MAPK10: variants seen among roughly 807,000 people sequenced by gnomAD.
MAPK10 encodes the protein mitogen-activated protein kinase 10, also known as JNK3 alpha protein kinase.
Under a neutral mutation model 59.3 loss-of-function variants are expected in MAPK10, and 25 were observed. The ratio of observed to expected loss-of-function variants is 0.42; its 90% CI spans 0.31 to 0.59. The LOEUF (loss-of-function observed/expected upper bound fraction) is 0.59, where lower values mean the gene tolerates loss of function less well. MAPK10 is among the 20% of genes least tolerant of loss of function. MAPK10 has a pLI of 0.15. For missense variants in MAPK10, 351 were observed against 568.9 expected (o/e 0.62, Z 3.90); for synonymous variants, 190 against 200.5 (o/e 0.95, Z 0.44).
chr4:86,483,891 G>T (rs957223809), intron 1 of MAPK10, among the ~76,000 whole-genome samples: 4 of 152,248 alleles, frequency 2.6e-5, no homozygotes, highest in African/African-American at 9.6e-5. Context: ...AGAGGGGGAG[G>T]GGAAGATCCA....
At chr4:86,480,552 C>G (rs1355105125) in intron 1 of MAPK10, among the ~76,000 whole-genome samples, 1 of 152,054 alleles carries the variant, frequency 6.6e-6, no homozygotes, top group African/African-American at 2.4e-5. Context: ...CTTCAGGAAT[C>G]TTTGTAAATA....
chr4:86,564,619 A>G (rs1479768472), intron 1 of MAPK10, among the ~76,000 whole-genome samples: 1 of 151,984 alleles, frequency 6.6e-6, no homozygotes, highest in Admixed American at 6.6e-5. Flanking sequence ...TGCACTCTCC[A>G]CTCTGCAATG....
intron 9 of MAPK10, among the ~76,000 whole-genome samples, chr4:86,074,907 G>C (rs995301361): frequency 7.5e-6 from 1 of 132,888 alleles, no homozygotes; most frequent in East Asian, 2.1e-4. Flanking sequence ...TCTTTGTGGC[G>C]TTCTCTGTAT....
intron 2 of MAPK10, among the ~76,000 whole-genome samples, chr4:86,260,754 CAGTT>C (rs1031685974): frequency 3.3e-5 from 5 of 152,084 alleles, no homozygotes; most frequent in African/African-American, 7.2e-5. Flanking sequence ...TGAACAAAGA[CAGTT>C]AGTCCTATAA....
intron 2 of MAPK10, among the ~76,000 whole-genome samples, chr4:86,207,130 G>A (rs1582807203): frequency 6.6e-6 from 1 of 151,278 alleles, no homozygotes. Context: ...CCATGCCTAT[G>A]TCCTGAATGG....
rs906034392 is a variant in MAPK10 at position 86,088,824 on chromosome 4, A to G, written c.802+9700T>C. Among the ~76,000 whole-genome samples the G allele has an allele frequency of 5.3e-5, 8 of 152,320 alleles. 1 individual carries two copies. The highest frequency in any genetic ancestry group is 1.9e-4 in the African/African-American group (8 of 41,580). Reference sequence around the variant, plus strand: ...CCATGCCAAATGAATATTTCTCATTATATCAAAGTATAAATCTTCAGTCTT... The same window carrying G: ...CCATGCCAAATGAATATTTCTCATTGTATCAAAGTATAAATCTTCAGTCTT... On this transcript the variant is annotated intron_variant, in intron 9 of 13. Coordinates refer to ENST00000641462, the MANE Select transcript of MAPK10 (RefSeq NM_138982.4).
intron 2 of MAPK10, among the ~76,000 whole-genome samples, chr4:86,207,860 G>A (rs1175430991): frequency 4.6e-5 from 7 of 151,718 alleles, no homozygotes; most frequent in East Asian, 3.9e-4. Flanking sequence ...TCTGTTATTC[G>A]TGTATAAGAA....
At chr4:86,308,034 A>T (rs1178429708) in intron 2 of MAPK10, among the ~76,000 whole-genome samples, 1 of 152,162 alleles carries the variant, frequency 6.6e-6, no homozygotes, top group Non-Finnish European at 1.5e-5. Context: ...ATAACAATTA[A>T]CAGAGAAAGG....
At chr4:86,427,350 T>C (rs1184932182) in intron 1 of MAPK10, among the ~76,000 whole-genome samples, 1 of 152,036 alleles carries the variant, frequency 6.6e-6, no homozygotes, top group African/African-American at 2.4e-5. Context: ...CTCTCAACGA[T>C]GCAACGTTCA....
intron 2 of MAPK10, among the ~76,000 whole-genome samples, chr4:86,247,300 GTA>G (rs1458443409): frequency 1.3e-5 from 2 of 152,172 alleles, no homozygotes; most frequent in Non-Finnish European, 2.9e-5. Flanking sequence ...AGAAATACTG[GTA>G]TAATTGAGCA....
chr4:86,181,799 C>T (rs1180124719), intron 3 of MAPK10, among the ~76,000 whole-genome samples: 4 of 151,974 alleles, frequency 2.6e-5, no homozygotes, highest in East Asian at 1.9e-4. Context: ...ACAAAGAATG[C>T]GGTAAGTGCT....
chr4:86,435,519 GTA>G (rs1748607085), intron 1 of MAPK10, among the ~76,000 whole-genome samples: 1 of 151,874 alleles, frequency 6.6e-6, no homozygotes, highest in Non-Finnish European at 1.5e-5. Flanking sequence ...GGCAAAGATG[GTA>G]AATTTTATAT....
intron 1 of MAPK10, among the ~76,000 whole-genome samples, chr4:86,578,497 A>G (rs1231265478): frequency 2.0e-5 from 3 of 152,206 alleles, no homozygotes; most frequent in African/African-American, 4.8e-5. Flanking sequence ...CTACAAAGAC[A>G]TAACCTGAGA....
intron 2 of MAPK10, among the ~76,000 whole-genome samples, chr4:86,260,426 ACT>A (rs1220212900): frequency 1.3e-5 from 2 of 152,054 alleles, no homozygotes; most frequent in African/African-American, 4.8e-5. Flanking sequence ...GTACTGCATC[ACT>A]CTCTAAATAA....
intron 11 of MAPK10, among the ~76,000 whole-genome samples, chr4:86,049,885 G>A (rs1436668867): frequency 6.6e-6 from 1 of 152,064 alleles, no homozygotes. Context: ...GAATCCCATT[G>A]TGTTACTCCC....
intron 1 of MAPK10, among the ~76,000 whole-genome samples, chr4:86,565,150 C>T (rs1468444186): frequency 6.6e-6 from 1 of 152,142 alleles, no homozygotes; most frequent in Admixed American, 6.5e-5. Context: ...TGTACACTAA[C>T]AACACATTAA....
At chr4:86,344,019 A>G (rs1198832067) in intron 2 of MAPK10, among the ~76,000 whole-genome samples, 1 of 152,240 alleles carries the variant, frequency 6.6e-6, no homozygotes, top group African/African-American at 2.4e-5. Context: ...AAAATTCTTT[A>G]GGTTTCTCAT....
At chr4:86,067,996 A>T (rs368123731) in intron 9 of MAPK10, 41 bp from the exon 10 acceptor site, 259 of 1,400,460 alleles carry the variant, frequency 1.8e-4, no homozygotes, top group Non-Finnish European at 2.4e-4. Flanking sequence ...AGAGCAGACC[A>T]CTAGCCTTTC....
At chr4:86,173,845 C>T (rs1562680264) in intron 3 of MAPK10, among the ~76,000 whole-genome samples, 1 of 152,128 alleles carries the variant, frequency 6.6e-6, no homozygotes, top group African/African-American at 2.4e-5. Context: ...CAAAAGAAGA[C>T]ATTTATGCAG....
Sources: gnomAD v4.1 joint callset for allele counts (sites outside exome capture counted in the v4.1 genomes callset) on GRCh38, gnomAD v4.1.1 for gene constraint, MANE v1.5 for transcripts, NCBI Gene and HGNC (gene_info 2026-07-23, HGNC 2026-07-21) for gene names.